The following AUTS2 variants were observed in gnomAD, a reference collection of about 807,000 sequenced individuals.
AUTS2 encodes autism susceptibility gene 2 protein.
A neutral mutation model predicts 112.4 loss-of-function variants in AUTS2; 17 were observed. The ratio of observed to expected loss-of-function variants is 0.15; its 90% confidence interval spans 0.10 to 0.23. AUTS2 has a LOEUF of 0.23. Ranked by LOEUF, AUTS2 falls within the 10% of genes least tolerant of loss-of-function variation. The probability of loss-of-function intolerance (pLI) is 1.00; values close to 1 mark genes in which losing one functional copy is unlikely to be tolerated. For synonymous variants in AUTS2, 751 were observed against 702.7 expected, an observed-to-expected ratio of 1.07 and a Z score of -1.09; for missense variants, 1,510 against 1,701.6, an observed-to-expected ratio of 0.89 and a Z score of 1.98.
chr7:70,470,830 C>T (rs951553380), intron 5 of AUTS2, among the ~76,000 whole-genome samples: 1 of 152,080 alleles, frequency 6.6e-6, no homozygotes, highest in Non-Finnish European at 1.5e-5. Context: ...CCAGCCAAAC[C>T]AGTAACAAAG....
chr7:70,273,675 C>A lies in AUTS2; in HGVS notation c.660+139104C>A, dbSNP rs796552376. Among the ~76,000 whole-genome samples, 24 of 152,106 alleles carry A rather than the reference C, an allele frequency of 1.6e-4. 1 individual carries two copies. The highest frequency in any genetic ancestry group is 5.8e-4 in the African/African-American group (24 of 41,486). ...TATACTGAGGGAATTGGTTCCAGTA[C>A]CCCCTCACCTTCACCCCCATATATA... On this transcript the variant is annotated intron_variant, in intron 4 of 18. Coordinates refer to ENST00000342771, the MANE Select transcript of AUTS2 (RefSeq NM_015570.4).
At chr7:70,736,350 G>A (rs1243558431) in intron 6 of AUTS2, among the ~76,000 whole-genome samples, 2 of 92,604 alleles carry the variant, frequency 2.2e-5, no homozygotes, top group East Asian at 3.8e-4. Flanking sequence ...GTAGATGTCA[G>A]TATGGAAAAA....
chr7:70,657,496 G>T (rs1343956050), intron 5 of AUTS2, among the ~76,000 whole-genome samples: 1 of 152,180 alleles, frequency 6.6e-6, no homozygotes, highest in Non-Finnish European at 1.5e-5. Flanking sequence ...CACAAAGGAG[G>T]TAATAATATC....
At chr7:70,017,922 A>C (rs1366717449) in intron 2 of AUTS2, among the ~76,000 whole-genome samples, 1 of 151,156 alleles carries the variant, frequency 6.6e-6, no homozygotes, top group African/African-American at 2.4e-5. Flanking sequence ...TGATGTTGAC[A>C]ATTTTGAAAG....
intron 4 of AUTS2, among the ~76,000 whole-genome samples, chr7:70,379,693 T>C (rs10266145): frequency 1 from 152,061 of 152,290 alleles, 75,916 homozygotes; most frequent in Middle Eastern, 1. Flanking sequence ...AATATTCAAA[T>C]ACAGGCTAGA....
At chr7:70,332,295 G>A (rs944222901) in intron 4 of AUTS2, among the ~76,000 whole-genome samples, 4 of 152,070 alleles carry the variant, frequency 2.6e-5, no homozygotes, top group African/African-American at 7.2e-5. Flanking sequence ...ACAAACCACT[G>A]TTCATAGAAA....
At chr7:70,277,038 A>G (rs1207045928) in intron 4 of AUTS2, among the ~76,000 whole-genome samples, 1 of 152,184 alleles carries the variant, frequency 6.6e-6, no homozygotes, top group African/African-American at 2.4e-5. Context: ...AGTGTGAAAT[A>G]TACATGGTTT....
rs145671378 is a variant in AUTS2 at position 69,712,464 on chromosome 7, T to C, written c.309+112502T>C. 6.8e-3 allele frequency among the ~76,000 whole-genome samples: 1,036 copies of C among 152,288 alleles called. 17 individuals are homozygous for C. The highest frequency in any genetic ancestry group is 0.024 in the Middle Eastern group (7 of 292). On this transcript the variant is annotated intron_variant, in intron 1 of 18. Coordinates refer to ENST00000342771, the MANE Select transcript of AUTS2 (RefSeq NM_015570.4). The stretch of plus-strand genomic sequence containing the variant: ...GACACTTCCAACAATTACGTGTAAA[T>C]GAATCTCATATAGTATGTACTGTTT...
At chr7:69,613,750 A>G (rs1348266886) in intron 1 of AUTS2, among the ~76,000 whole-genome samples, 3 of 152,190 alleles carry the variant, frequency 2.0e-5, no homozygotes, top group East Asian at 3.9e-4. Flanking sequence ...TTGAGAATCT[A>G]TTTCACAATA....
At chr7:69,869,830 C>A (rs924097133) in intron 1 of AUTS2, among the ~76,000 whole-genome samples, 7 of 152,176 alleles carry the variant, frequency 4.6e-5, no homozygotes, top group Non-Finnish European at 1.0e-4. Flanking sequence ...AGGCCTTGCA[C>A]AAGTTCCTTA....
At chr7:69,654,196 G>A (rs555715961) in intron 1 of AUTS2, among the ~76,000 whole-genome samples, 1 of 152,074 alleles carries the variant, frequency 6.6e-6, no homozygotes, top group African/African-American at 2.4e-5. Context: ...TTCTTCATAA[G>A]CCCACTTTTT....
At chr7:69,759,785 C>G (rs1172478178) in intron 1 of AUTS2, among the ~76,000 whole-genome samples, 2 of 77,876 alleles carry the variant, frequency 2.6e-5, no homozygotes, top group Non-Finnish European at 5.3e-5. Context: ...CCCCCCCCCC[C>G]CCCCATATAA....
At chr7:70,489,176 A>T (rs958159965) in intron 5 of AUTS2, among the ~76,000 whole-genome samples, 7 of 152,244 alleles carry the variant, frequency 4.6e-5, no homozygotes, top group Non-Finnish European at 8.8e-5. Context: ...AGGCAGAAAA[A>T]CATTCTCAAA....
In AUTS2 at chr7:70,792,882, C is replaced by G. The variant is rs1049783134; in HGVS notation, c.*1886C>G. ...AAAATGTGAACTAAGCTTCCAGCTG[C>G]TTGTTTGTGTGAGGTGACCATCATT... On this transcript the variant is annotated 3_prime_UTR_variant, in exon 19 of 19. Transcript: ENST00000342771. The G allele has an allele frequency of 6.6e-6, 1 of 152,564 alleles. No homozygotes were observed. Among genetic ancestry groups the G allele is most frequent in the African/African-American group, 2.4e-5 (1 of 41,428 alleles). 9.5% of individuals were successfully genotyped at this position (152,564 alleles called of 1,614,324 possible). A position where few individuals can be genotyped will look rare whatever the true frequency, so the allele number is the denominator to read the frequency against.
chr7:70,218,775 A>G (rs1403240280), intron 4 of AUTS2, among the ~76,000 whole-genome samples: 2 of 152,070 alleles, frequency 1.3e-5, no homozygotes, highest in African/African-American at 4.8e-5. Context: ...TCTTTTACCA[A>G]ACATCTTTTG....
chr7:70,192,478 A>G (rs1207144547), intron 4 of AUTS2, among the ~76,000 whole-genome samples: 1 of 152,230 alleles, frequency 6.6e-6, no homozygotes, highest in African/African-American at 2.4e-5. Context: ...GTCTGTATTT[A>G]ATAGTAAGTA....
At chr7:70,223,876 T>G (rs4718937) in intron 4 of AUTS2, among the ~76,000 whole-genome samples, 32,534 of 150,088 alleles carry the variant, frequency 0.22, 4,512 homozygotes, top group East Asian at 0.56. Context: ...TTGGTTGGTT[T>G]GTTTCTTAGA....
intron 5 of AUTS2, among the ~76,000 whole-genome samples, chr7:70,652,051 C>G (rs1197604666): frequency 1.3e-5 from 2 of 152,154 alleles, no homozygotes; most frequent in African/African-American, 2.4e-5. Flanking sequence ...GCACGTTGCT[C>G]TAATCCCATG....
intron 2 of AUTS2, among the ~76,000 whole-genome samples, chr7:70,104,244 A>T: frequency 6.6e-6 from 1 of 151,474 alleles, no homozygotes; most frequent in East Asian, 1.9e-4. Context: ...ATGTGGCATA[A>T]GTTGTTTTTT....
Sources: gnomAD v4.1 joint callset for allele counts (sites outside exome capture counted in the v4.1 genomes callset) on GRCh38, gnomAD v4.1.1 for gene constraint, MANE v1.5 for transcripts, NCBI Gene and HGNC (gene_info 2026-07-23, HGNC 2026-07-21) for gene names.